USP37: variants seen among roughly 807,000 people sequenced by gnomAD.
USP37 encodes the protein ubiquitin carboxyl-terminal hydrolase 37.
Under a neutral mutation model 124.0 loss-of-function variants are expected in USP37, and 27 were observed. The ratio of observed to expected loss-of-function variants is 0.22; its 90% confidence interval spans 0.16 to 0.30. The LOEUF is 0.30. USP37 is among the 10% of genes least tolerant of loss of function. The pLI, the probability that USP37 is intolerant of heterozygous loss-of-function variation, is 1.00. For missense variants in USP37, 889 were observed against 1,140.4 expected (o/e 0.78, Z 3.17); for synonymous variants, 365 against 388.0 (o/e 0.94, Z 0.70).
In USP37 at chr2:218,453,737, T is replaced by C. The variant is rs1439270784; in HGVS notation, c.*1193A>G. ...TAAATAAATTATGCACCTTTGTTATTTGTTAGTTTTTGGGATTACCTAAGC... is the reference window on the plus strand; with the variant it reads ...TAAATAAATTATGCACCTTTGTTATCTGTTAGTTTTTGGGATTACCTAAGC... On this transcript the variant is annotated 3_prime_UTR_variant, in exon 26 of 26. Coordinates refer to ENST00000258399, the MANE Select transcript of USP37 (RefSeq NM_020935.3). 6.6e-6 allele frequency: 1 copy of C among 152,208 alleles called. No homozygotes were observed. Among genetic ancestry groups the C allele is most frequent in the Non-Finnish European group, 1.5e-5 (1 of 68,034 alleles). The allele number at this position is 152,208 out of a possible 1,614,324, so 9.4% of individuals were successfully genotyped here.
At position 218,454,963 on chromosome 2, in the gene USP37, C is replaced by G. The variant is rs746576703; in HGVS notation, c.2907G>C (p.Thr969=). 9 of 1,613,958 alleles carry G rather than the reference C, an allele frequency of 5.6e-6. No homozygotes were observed. Among genetic ancestry groups the G allele is most frequent in the Non-Finnish European group, 7.6e-6 (9 of 1,180,024 alleles). ...CCTGACGGGTAGTCTTCCCCACTTC[C>G]GTGCTAAGTGACTGAGAGTTCTTTT... The part of the protein sequence containing the change: ...ETEKNSQSLS[T]EVGKTTRQAL The change falls in exon 26 of 26, where the codon ACG becomes ACC. Residue 969 remains threonine (T), a synonymous_variant. Coordinates refer to ENST00000258399, the MANE Select transcript of USP37 (RefSeq NM_020935.3).
At chr2:218,456,701 C>G (rs1319098822) in intron 24 of USP37, among the ~76,000 whole-genome samples, 1 of 151,408 alleles carries the variant, frequency 6.6e-6, no homozygotes, top group African/African-American at 2.4e-5. Context: ...TGGGCATGGT[C>G]GCTCACGTCT....
chr2:218,457,337 T>C (rs184357180), intron 23 of USP37, among the ~76,000 whole-genome samples, 176 bp from the exon 24 acceptor site: 54 of 152,324 alleles, frequency 3.5e-4, no homozygotes, highest in African/African-American at 1.2e-3. Context: ...CAACTAAGAA[T>C]TTATTCTAAG....
chr2:218,489,170 C>T (rs1307303514), intron 14 of USP37, among the ~76,000 whole-genome samples: 1 of 150,824 alleles, frequency 6.6e-6, no homozygotes, highest in Non-Finnish European at 1.5e-5. Flanking sequence ...CCAGCCTGGC[C>T]AACATGGTGA....
intron 2 of USP37, among the ~76,000 whole-genome samples, chr2:218,561,734 T>G (rs994039513): frequency 2.0e-5 from 3 of 152,118 alleles, no homozygotes; most frequent in Non-Finnish European, 4.4e-5. Flanking sequence ...TATCCCTCTC[T>G]TGCTTTATAT....
intron 20 of USP37, among the ~76,000 whole-genome samples, chr2:218,470,581 AC>A (rs1378769617): frequency 1.3e-5 from 2 of 152,306 alleles, no homozygotes; most frequent in African/African-American, 4.8e-5. Context: ...CCATGCAAAA[AC>A]CAGAGACTAC....
intron 4 of USP37, 110 bp from the exon 5 acceptor site, chr2:218,553,834 TC>T (rs1692798074): frequency 9.2e-7 from 1 of 1,091,670 alleles, no homozygotes; most frequent in South Asian, 2.4e-5. Flanking sequence ...TTATCACTCT[TC>T]CCCACAGTAA....
At chr2:218,547,195 G>A in intron 6 of USP37, 104 bp from the exon 7 acceptor site, 1 of 1,225,638 alleles carries the variant, frequency 8.2e-7, no homozygotes, top group Non-Finnish European at 1.1e-6. Flanking sequence ...AATGGAGCCA[G>A]GTGCGATGGC....
At chr2:218,551,549 T>C (rs1172318054) in intron 5 of USP37, among the ~76,000 whole-genome samples, 2 of 152,240 alleles carry the variant, frequency 1.3e-5, no homozygotes, top group Admixed American at 1.3e-4. Flanking sequence ...AGAGCTAGAA[T>C]TTCAACCTAC....
intron 10 of USP37, among the ~76,000 whole-genome samples, chr2:218,525,462 T>G (rs1690904149): frequency 1.3e-5 from 2 of 152,190 alleles, no homozygotes; most frequent in South Asian, 4.1e-4. Context: ...CCAGGCTGGG[T>G]GACAGAGTGA....
intron 18 of USP37, 139 bp downstream of exon 18, chr2:218,479,511 G>A: frequency 1.5e-6 from 1 of 676,878 alleles, no homozygotes; most frequent in Non-Finnish European, 2.5e-6. Flanking sequence ...ATTCAGGAAA[G>A]TTTCAAAAGT....
Position 218,558,531 on chromosome 2 carries a change from G to C in USP37, c.123C>G (p.His41Gln), listed in dbSNP as rs748054277. Residue 41 changes from histidine to glutamine, a missense_variant, in exon 4 of 26, where the codon CAC becomes CAG. Transcript: ENST00000258399. ...TCCTTGGAATTCCTCCAGTATTGTAGTGAACTACTAGGCTGACTTTATTCT... is the reference window on the plus strand; with the variant it reads ...TCCTTGGAATTCCTCCAGTATTGTACTGAACTACTAGGCTGACTTTATTCT... Reference protein sequence around the residue: ...EKENKVSLVVHYNTGGIPRIF... With the variant: ...EKENKVSLVVQYNTGGIPRIF... 8 of 1,613,076 alleles carry C rather than the reference G, an allele frequency of 5.0e-6. No individual in the cohort carries two copies. Among genetic ancestry groups the C allele is most frequent in the Non-Finnish European group, 6.8e-6 (8 of 1,179,676 alleles).
chr2:218,520,119 G>A (rs750566824), intron 10 of USP37, among the ~76,000 whole-genome samples: 21 of 151,410 alleles, frequency 1.4e-4, no homozygotes, highest in Non-Finnish European at 2.1e-4. Context: ...TGTATTTTTA[G>A]TAAAGACGAG....
chr2:218,485,606 A>C, intron 16 of USP37, 58 bp downstream of exon 16: 1 of 1,504,472 alleles, frequency 6.6e-7, no homozygotes, highest in Non-Finnish European at 8.9e-7. Context: ...AAAGCAATTA[A>C]ATGTACCTGG....
chr2:218,540,748 A>G (rs892931202), intron 8 of USP37, among the ~76,000 whole-genome samples: 20 of 152,222 alleles, frequency 1.3e-4, no homozygotes, highest in Non-Finnish European at 4.4e-5. Flanking sequence ...AAAATCATGC[A>G]TAAGGGGGGA....
intron 9 of USP37, among the ~76,000 whole-genome samples, chr2:218,534,389 T>A (rs1458727474): frequency 6.6e-6 from 1 of 152,184 alleles, no homozygotes; most frequent in Non-Finnish European, 1.5e-5. Context: ...CTTGAGAGGC[T>A]GAGGCAGGAG....
intron 20 of USP37, among the ~76,000 whole-genome samples, chr2:218,473,631 C>G (rs1415361449): frequency 6.6e-6 from 1 of 152,078 alleles, no homozygotes; most frequent in Admixed American, 6.6e-5. Flanking sequence ...AAAATTTGAA[C>G]TGGTCATAGG....
chr2:218,511,298 A>C (rs1242671605), intron 10 of USP37, among the ~76,000 whole-genome samples: 1 of 151,774 alleles, frequency 6.6e-6, no homozygotes, highest in Non-Finnish European at 1.5e-5. Context: ...GGTGTGTAAC[A>C]CCATGCCCAG....
chr2:218,504,671 G>T (rs1166213853), intron 11 of USP37, among the ~76,000 whole-genome samples: 1 of 152,206 alleles, frequency 6.6e-6, no homozygotes, highest in South Asian at 2.1e-4. Context: ...CTAGCCTCAA[G>T]TGATCCTCCC....
Sources: gnomAD v4.1 joint callset for allele counts (sites outside exome capture counted in the v4.1 genomes callset) on GRCh38, gnomAD v4.1.1 for gene constraint, MANE v1.5 for transcripts, NCBI Gene and HGNC (gene_info 2026-07-23, HGNC 2026-07-21) for gene names.